The following KSR2 variants were observed in gnomAD, a reference collection of about 807,000 sequenced individuals.
KSR2 encodes kinase suppressor of ras 2.
Under a neutral mutation model 107.8 loss-of-function variants are expected in KSR2, and 25 were observed. The ratio of observed to expected loss-of-function variants is 0.23; its 90% CI spans 0.17 to 0.32. The LOEUF is 0.32. Among genes scored for constraint, KSR2 ranks in the 10% least tolerant of loss-of-function variants. KSR2 has a pLI of 1.00. For synonymous variants in KSR2, 480 were observed against 507.0 expected (o/e 0.95, Z 0.71); for missense variants, 887 against 1,268.9 (o/e 0.70, Z 4.57).
chr12:117,587,787 T>A (rs1361553628), intron 5 of KSR2, among the ~76,000 whole-genome samples: 2 of 152,162 alleles, frequency 1.3e-5, no homozygotes. Flanking sequence ...GGGGTTGTTT[T>A]AAGGCAATGG....
At chr12:117,530,916 G>A (rs560792595) in intron 12 of KSR2, 25 bp downstream of exon 12, 5 of 1,606,482 alleles carry the variant, frequency 3.1e-6, no homozygotes, top group Admixed American at 1.7e-5. Flanking sequence ...TTGGGAAAGG[G>A]GGAAGATGTC....
intron 4 of KSR2, among the ~76,000 whole-genome samples, chr12:117,678,080 A>G (rs889856442): frequency 2.7e-5 from 4 of 149,492 alleles, no homozygotes; most frequent in African/African-American, 9.8e-5. Flanking sequence ...GATTATAGGC[A>G]TGTGCCACCA....
chr12:117,670,111 T>C (rs79203144), intron 4 of KSR2, among the ~76,000 whole-genome samples: 4,672 of 152,236 alleles, frequency 0.031, 139 homozygotes, highest in East Asian at 0.079. Context: ...AAAACAAGGA[T>C]TCCAGCAAGG....
chr12:117,789,892 C>CCA lies in KSR2; in HGVS notation c.473-28370_473-28369dup, dbSNP rs944875312. ...ACTCATAAAGCCTGCAAAGTATTGT[C>CCA]CACACACACACACACAGCATGTCTT... On this transcript the variant is annotated intron_variant, in intron 3 of 19. Coordinates refer to ENST00000339824, the MANE Select transcript of KSR2 (RefSeq NM_173598.6). Among the ~76,000 whole-genome samples the CCA allele has an allele frequency of 1.4e-3, 219 of 152,016 alleles. 1 individual carries two copies. Among genetic ancestry groups the CCA allele is most frequent in the African/African-American group, 4.8e-3 (198 of 41,516 alleles).
intron 14 of KSR2, among the ~76,000 whole-genome samples, chr12:117,496,201 C>T (rs1302208053): frequency 1.1e-4 from 16 of 152,192 alleles, no homozygotes; most frequent in Admixed American, 1.0e-3. Flanking sequence ...GACCTTCTGC[C>T]CTCTCTGGTC....
intron 3 of KSR2, among the ~76,000 whole-genome samples, chr12:117,811,631 A>C (rs1891193001): frequency 6.6e-6 from 1 of 152,200 alleles, no homozygotes. Context: ...GGGCAATTAG[A>C]AGTACCCACA....
intron 5 of KSR2, among the ~76,000 whole-genome samples, chr12:117,609,444 G>T (rs1406500836): frequency 2.6e-5 from 4 of 152,182 alleles, no homozygotes; most frequent in African/African-American, 9.6e-5. Context: ...AATCCAGCCT[G>T]CCACCTGTAT....
chr12:117,816,731 C>T (rs1455721977), intron 3 of KSR2, among the ~76,000 whole-genome samples: 3 of 152,150 alleles, frequency 2.0e-5, no homozygotes, highest in African/African-American at 4.8e-5. Flanking sequence ...CTAACAGCTG[C>T]GTCCACTGAG....
intron 1 of KSR2, among the ~76,000 whole-genome samples, chr12:117,864,165 G>A (rs1358474296): frequency 6.6e-6 from 1 of 152,128 alleles, no homozygotes; most frequent in African/African-American, 2.4e-5. Context: ...AGCCCCAGCA[G>A]AGGTCAGGGC....
At chr12:117,710,563 T>C (rs2136651620) in intron 4 of KSR2, among the ~76,000 whole-genome samples, 1 of 152,218 alleles carries the variant, frequency 6.6e-6, no homozygotes, top group South Asian at 2.1e-4. Flanking sequence ...TTTGGAGTCA[T>C]GGGTTCAAAT....
At chr12:117,822,971 G>A (rs1031387414) in intron 3 of KSR2, among the ~76,000 whole-genome samples, 5 of 152,118 alleles carry the variant, frequency 3.3e-5, no homozygotes, top group African/African-American at 1.2e-4. Context: ...TGGGCCAGGG[G>A]ACAGAAAGGC....
intron 1 of KSR2, among the ~76,000 whole-genome samples, chr12:117,924,775 T>C (rs1036883848): frequency 1.7e-4 from 26 of 152,094 alleles, no homozygotes; most frequent in Admixed American, 1.7e-3. Flanking sequence ...CCAAATGCAA[T>C]GTAAGAACCT....
intron 1 of KSR2, among the ~76,000 whole-genome samples, chr12:117,903,745 A>G (rs943160718): frequency 3.3e-5 from 5 of 152,212 alleles, no homozygotes; most frequent in African/African-American, 1.2e-4. Context: ...GTGGCTCATG[A>G]CTGTAATCCC....
intron 3 of KSR2, among the ~76,000 whole-genome samples, chr12:117,801,283 A>ATTT (rs35746430): frequency 5.1e-5 from 7 of 136,018 alleles, no homozygotes; most frequent in African/African-American, 1.1e-4. Context: ...TGCCCGGCTA[A>ATTT]TTTTTTTTTT....
At chr12:117,911,575 T>A (rs1895014847) in intron 1 of KSR2, among the ~76,000 whole-genome samples, 1 of 152,196 alleles carries the variant, frequency 6.6e-6, no homozygotes, top group Admixed American at 6.5e-5. Context: ...AAATAAAACC[T>A]CCCTCCTCTG....
intron 14 of KSR2, among the ~76,000 whole-genome samples, chr12:117,517,102 T>C (rs1257918222): frequency 6.6e-6 from 1 of 152,054 alleles, no homozygotes; most frequent in Non-Finnish European, 1.5e-5. Flanking sequence ...AGAAGGCAAA[T>C]CCAAAAGAAG....
chr12:117,670,830 C>T (rs1884877627), intron 4 of KSR2, among the ~76,000 whole-genome samples: 1 of 152,100 alleles, frequency 6.6e-6, no homozygotes, highest in African/African-American at 2.4e-5. Flanking sequence ...GCAAAGCTGC[C>T]CCTCACAGAG....
At chr12:117,640,542 G>A (rs528930697) in intron 5 of KSR2, among the ~76,000 whole-genome samples, 15 of 152,258 alleles carry the variant, frequency 9.9e-5, no homozygotes, top group South Asian at 4.1e-4. Flanking sequence ...GTGAGCCACC[G>A]TGCCCAGCCT....
At chr12:117,814,746 T>G (rs1891313114) in intron 3 of KSR2, among the ~76,000 whole-genome samples, 2 of 152,102 alleles carry the variant, frequency 1.3e-5, no homozygotes, top group Admixed American at 6.6e-5. Flanking sequence ...GCAGGATCCC[T>G]AGTTTGAGCA....
Sources: gnomAD v4.1 joint callset for allele counts (sites outside exome capture counted in the v4.1 genomes callset) on GRCh38, gnomAD v4.1.1 for gene constraint, MANE v1.5 for transcripts, NCBI Gene and HGNC (gene_info 2026-07-23, HGNC 2026-07-21) for gene names.